TNNI2: variants seen among roughly 807,000 people sequenced by gnomAD.
TNNI2 encodes the protein troponin I2, fast skeletal type.
Under a neutral mutation model 26.5 loss-of-function variants are expected in TNNI2, and 14 were observed. The ratio of observed to expected loss-of-function variants is 0.53; its 90% CI spans 0.35 to 0.83. The LOEUF (loss-of-function observed/expected upper bound fraction) is 0.83, where lower values mean the gene tolerates loss of function less well. Ranked by LOEUF, TNNI2 falls within the 40% of genes least tolerant of loss-of-function variation. The pLI is 0.01. For missense variants in TNNI2, 205 were observed against 248.5 expected (o/e 0.82, Z 1.18); for synonymous variants, 126 against 97.6 (o/e 1.29, Z -1.71).
chr11:1,840,465 G>C (rs559966617), intron 4 of TNNI2, 21 bp downstream of exon 4: 3 of 1,610,670 alleles, frequency 1.9e-6, no homozygotes, highest in Non-Finnish European at 2.5e-6. Flanking sequence ...GCTCCCGGGG[G>C]GGTGGCCCAG....
intron 5 of TNNI2, 22 bp downstream of exon 5, chr11:1,840,678 C>A: frequency 1.2e-6 from 2 of 1,612,550 alleles, no homozygotes; most frequent in Non-Finnish European, 1.7e-6. Context: ...TCCCCGGCCA[C>A]CCCGCCTCCC....
intron 1 of TNNI2, chr11:1,839,473 CT>C: frequency 1.7e-6 from 1 of 586,210 alleles, no homozygotes; most frequent in Non-Finnish European, 3.1e-6. Flanking sequence ...TTTGGGAACA[CT>C]TTCTCCTCTT....
chr11:1,840,818 G>A lies in TNNI2; in HGVS notation c.187-1G>A. On this transcript the variant is annotated splice_acceptor_variant, in intron 5 of 7. Coordinates refer to ENST00000381911, the MANE Select transcript of TNNI2 (RefSeq NM_003282.4). LOFTEE classifies it high-confidence loss of function. ...CCGCCCGCCCCCACACCCACCCCTA[G>A]GAGCTCTGCAAACAGCTGCACGCCA... The A allele has an allele frequency of 6.8e-6, 11 of 1,611,518 alleles. No individual in the cohort carries two copies. The highest frequency in any genetic ancestry group is 9.3e-6 in the Non-Finnish European group (11 of 1,179,110).
At chr11:1,840,284 C>A in intron 3 of TNNI2, 119 bp from the exon 4 acceptor site, 1 of 1,546,190 alleles carries the variant, frequency 6.5e-7, no homozygotes. Flanking sequence ...GCCTCAGGAG[C>A]CCCCAGGCTC....
At chr11:1,839,990 AC>A in intron 3 of TNNI2, 135 bp downstream of exon 3, 10 of 1,346,634 alleles carry the variant, frequency 7.4e-6, no homozygotes, top group Non-Finnish European at 1.0e-5. Context: ...AAAGTGCCCC[AC>A]CCACCCACCA....
rs750644003 is a variant in TNNI2, at chr11:1,841,092, G to A, written c.338G>A (p.Arg113Gln). The change falls in exon 7 of 8, where the codon CGG becomes CAG. Residue 113 changes from arginine to glutamine, a missense_variant. By Grantham distance (43) the Arg-to-Gln change is conservative. Transcript: ENST00000381911. ...GGCAAGTTCAAGCGGCCCCCACTGC[G>A]GAGGGTGCGCATGTCGGCCGATGCC... ...LRGKFKRPPL[R>Q]RVRMSADAML... The A allele has an allele frequency of 5.0e-6, 8 of 1,613,076 alleles. No homozygotes were observed. Among genetic ancestry groups the A allele is most frequent in the African/African-American group, 1.3e-5 (1 of 74,928 alleles).
At chr11:1,839,957 T>C (rs2133033166) in intron 3 of TNNI2, 102 bp downstream of exon 3, 1 of 1,545,234 alleles carries the variant, frequency 6.5e-7, no homozygotes, top group Non-Finnish European at 8.8e-7. Flanking sequence ...CCAGAGAAGA[T>C]GGCCTGGCCC....
chr11:1,840,976 G>T, intron 6 of TNNI2, 55 bp from the exon 7 acceptor site: 5 of 1,583,248 alleles, frequency 3.2e-6, no homozygotes, highest in Non-Finnish European at 4.3e-6. Flanking sequence ...GGGGCGGGCC[G>T]GGGAGGCCGA....
chr11:1,839,504 T>G (rs1847116120), intron 1 of TNNI2, 171 bp from the exon 2 acceptor site: 1 of 631,886 alleles, frequency 1.6e-6, no homozygotes, highest in African/African-American at 2.0e-5. Context: ...CCTGGGGAAT[T>G]CCAAGACATT....
rs959017580 is a variant in TNNI2, at chr11:1,839,402, G to T, written c.-22-273G>T. The stretch of plus-strand genomic sequence containing the variant: ...CAGCGTCACTCAGGCGGCCACCTGC[G>T]CTGGCCCATCCCACCCTCCCTCGGG... On this transcript the variant is annotated intron_variant, in intron 1 of 7. Coordinates refer to ENST00000381911, the MANE Select transcript of TNNI2 (RefSeq NM_003282.4). The T allele has an allele frequency of 1.2e-5, 6 of 521,398 alleles. No homozygotes were observed. The Admixed American group carries it at 1.6e-4, about 14-fold the overall frequency. The allele number at this position is 521,398 out of a possible 1,614,324, so 32.3% of individuals were successfully genotyped here.
chr11:1,839,946 C>A, intron 3 of TNNI2, 91 bp downstream of exon 3: 1 of 1,569,950 alleles, frequency 6.4e-7, no homozygotes. Flanking sequence ...GGCCCTAAGG[C>A]CCAGAGAAGA....
chr11:1,841,065 G>A lies in TNNI2; in HGVS notation c.311G>A (p.Arg104Gln), dbSNP rs1318850587. The change falls in exon 7 of 8, where the codon CGG becomes CAG. Residue 104 changes from arginine (R) to glutamine (Q), a missense_variant. Coordinates refer to ENST00000381911, the MANE Select transcript of TNNI2 (RefSeq NM_003282.4). ...ATGAACCAGAAGCTATTTGATCTGC[G>A]GGGCAAGTTCAAGCGGCCCCCACTG... ...EDMNQKLFDL[R>Q]GKFKRPPLRR... is the part of the protein sequence containing the mutation. 53 of 1,613,020 alleles carry A rather than the reference G, an allele frequency of 3.3e-5. No homozygotes were observed. The highest frequency in any genetic ancestry group is 4.4e-5 in the Non-Finnish European group (52 of 1,179,956).
At position 1,839,843 on chromosome 11, in the gene TNNI2, G is replaced by C. The variant is rs774193186; in HGVS notation, c.9-6G>C. 1.2e-5 allele frequency: 19 copies of C among 1,613,868 alleles called. No homozygotes were observed. The South Asian group carries it at 2.0e-4, about 17-fold the overall frequency. On this transcript the variant is annotated splice_region_variant and splice_polypyrimidine_tract_variant and intron_variant, in intron 2 of 7. Transcript: ENST00000381911. ...CGTCCTGCCTGCGTCCTCCCTCCCT[G>C]GACAGTGAGGAGGTAAGTAGTTGCT... is the stretch of plus-strand genomic sequence containing the variant.
chr11:1,840,690 A>G lies in TNNI2; in HGVS notation c.186+34A>G, dbSNP rs1284165091. ...CCCTCCCCGGCCACCCCGCCTCCCC[A>G]GCAGCAGGCCTGCCTGCTAACTCAG... On this transcript the variant is annotated intron_variant, in intron 5 of 7. Transcript: ENST00000381911. 6.2e-6 allele frequency: 10 copies of G among 1,612,216 alleles called. No individual in the cohort carries two copies. In the African/African-American group the frequency reaches 1.1e-4, roughly 17 times the overall value.
intron 3 of TNNI2, 44 bp downstream of exon 3, chr11:1,839,899 C>T (rs1847125427): frequency 6.2e-7 from 1 of 1,612,592 alleles, no homozygotes; most frequent in African/African-American, 1.3e-5. Context: ...GGAGGGGGCT[C>T]CCCCAACTCA....
rs1409139539 is a variant in TNNI2 at position 1,839,001 on chromosome 11, A to T, written c.-55A>T. On this transcript the variant is annotated 5_prime_UTR_variant, in exon 1 of 8. Coordinates refer to ENST00000381911, the MANE Select transcript of TNNI2 (RefSeq NM_003282.4). The stretch of plus-strand genomic sequence containing the variant: ...AGCCCAACTCGCCGCTGCCGGCCTG[A>T]CCTCGCTCCCAGCCCTGCTGCCCAG... The T allele has an allele frequency of 6.6e-6, 1 of 152,278 alleles. No homozygotes were observed. The highest frequency in any genetic ancestry group is 1.5e-5 in the Non-Finnish European group (1 of 68,218). The allele number at this position is 152,278 out of a possible 1,614,324, so 9.4% of individuals were successfully genotyped here.
In TNNI2 at chr11:1,840,852, G is replaced by C. The variant is rs1398100861; in HGVS notation, c.220G>C (p.Ala74Pro). 1 of 1,613,392 alleles carries C rather than the reference G, an allele frequency of 6.2e-7. No homozygotes were observed. Among genetic ancestry groups the C allele is most frequent in the Non-Finnish European group, 8.5e-7 (1 of 1,179,850 alleles). The change falls in exon 6 of 8, where the codon GCG becomes CCG. Residue 74 changes from alanine (A) to proline (P), a missense_variant. Ala to Pro is a conservative substitution (Grantham distance 27). Coordinates refer to ENST00000381911, the MANE Select transcript of TNNI2 (RefSeq NM_003282.4). ...CAAACAGCTGCACGCCAAGATCGAT[G>C]CGGCTGAAGAGGAGAAGTACGACAT... ...LCKQLHAKID[A>P]AEEEKYDMEV...
chr11:1,840,969 G>A, intron 6 of TNNI2, 61 bp downstream of exon 6: 1 of 1,577,312 alleles, frequency 6.3e-7, no homozygotes, highest in South Asian at 1.1e-5. Flanking sequence ...GGCAGGCGGG[G>A]CGGGCCGGGG....
At position 1,841,099 on chromosome 11, in the gene TNNI2, G is replaced by A. The variant is rs1303402203; in HGVS notation, c.345G>A (p.Val115=). 2 of 1,613,104 alleles carry A rather than the reference G, an allele frequency of 1.2e-6. No individual in the cohort carries two copies. Among genetic ancestry groups the A allele is most frequent in the African/African-American group, 1.3e-5 (1 of 74,934 alleles). Reference sequence around the variant, plus strand: ...TCAAGCGGCCCCCACTGCGGAGGGTGCGCATGTCGGCCGATGCCATGCTCA... The same window carrying A: ...TCAAGCGGCCCCCACTGCGGAGGGTACGCATGTCGGCCGATGCCATGCTCA... The part of the protein sequence containing the change: ...GKFKRPPLRR[V]RMSADAMLKA... Residue 115 remains valine (V), a synonymous_variant, in exon 7 of 8, where the codon GTG becomes GTA. Coordinates refer to ENST00000381911, the MANE Select transcript of TNNI2 (RefSeq NM_003282.4).
Sources: gnomAD v4.1 joint callset for allele counts on GRCh38, gnomAD v4.1.1 for gene constraint, MANE v1.5 for transcripts, NCBI Gene and HGNC (gene_info 2026-07-23, HGNC 2026-07-21) for gene names.